TPTE: variants seen among roughly 807,000 people sequenced by gnomAD.
TPTE encodes the protein putative tyrosine-protein phosphatase TPTE.
Under a neutral mutation model 84.1 loss-of-function variants are expected in TPTE, and 59 were observed. That is an observed-to-expected ratio of 0.70 (90% CI 0.57 to 0.87). The LOEUF is 0.87. Among genes scored for constraint, TPTE ranks in the 40% least tolerant of loss-of-function variants. TPTE has a pLI of 0.00. For missense variants in TPTE, 382 were observed against 659.6 expected, an observed-to-expected ratio of 0.58 and a Z score of 4.61; for synonymous variants, 130 against 223.5, an observed-to-expected ratio of 0.58 and a Z score of 3.73.
At chr21:10,546,954 A>G (rs2074478590) in intron 7 of TPTE, among the ~76,000 whole-genome samples, 2 of 152,308 alleles carry the variant, frequency 1.3e-5, no homozygotes, top group Admixed American at 6.5e-5. Flanking sequence ...AATGTGGCCA[A>G]ACTAAACAAC....
At chr21:10,542,547 C>CCATCCATCCATCCATT (rs1378134172) in intron 6 of TPTE, 99 bp downstream of exon 6, 2 of 1,374,720 alleles carry the variant, frequency 1.5e-6, no homozygotes, top group East Asian at 4.8e-5. Flanking sequence ...ATCCATCCAT[C>CCATCCATCCATCCATT]CATCCATCCA....
At chr21:10,574,698 A>G (rs2075116245) in intron 14 of TPTE, among the ~76,000 whole-genome samples, 1 of 152,304 alleles carries the variant, frequency 6.6e-6, no homozygotes, top group African/African-American at 2.4e-5. Flanking sequence ...ATGGAGCCAA[A>G]GGAACCCCCA....
chr21:10,582,523 T>C (rs2075288873), intron 17 of TPTE, among the ~76,000 whole-genome samples: 1 of 152,312 alleles, frequency 6.6e-6, no homozygotes, highest in Non-Finnish European at 1.5e-5. Flanking sequence ...ATTGAATTTA[T>C]AGATTAACTT....
intron 7 of TPTE, among the ~76,000 whole-genome samples, chr21:10,551,659 C>G (rs1244868766): frequency 6.6e-6 from 1 of 152,288 alleles, no homozygotes; most frequent in African/African-American, 2.4e-5. Context: ...TATCAACAAA[C>G]CATTAGCTAG....
intron 14 of TPTE, among the ~76,000 whole-genome samples, chr21:10,572,277 G>T (rs210517): frequency 6.6e-6 from 1 of 151,706 alleles, no homozygotes; most frequent in Non-Finnish European, 1.5e-5. Flanking sequence ...TGAAGAAACC[G>T]CATTTCTACT....
chr21:10,532,191 T>C (rs1219212300), intron 3 of TPTE, among the ~76,000 whole-genome samples: 2 of 152,306 alleles, frequency 1.3e-5, no homozygotes, highest in East Asian at 3.8e-4. Context: ...GTTGATTTCT[T>C]TGTTACTTGA....
intron 7 of TPTE, among the ~76,000 whole-genome samples, chr21:10,545,389 C>T (rs1039370213): frequency 1.3e-5 from 2 of 152,310 alleles, no homozygotes; most frequent in African/African-American, 4.8e-5. Context: ...CATTGACATA[C>T]ACATTTTGAG....
At chr21:10,598,998 A>G (rs867056268) in intron 21 of TPTE, among the ~76,000 whole-genome samples, 12 of 152,378 alleles carry the variant, frequency 7.9e-5, no homozygotes, top group Middle Eastern at 3.4e-3. Context: ...TTATTTGTTC[A>G]TTTACTCATA....
intron 10 of TPTE, among the ~76,000 whole-genome samples, chr21:10,562,286 A>G (rs1172630296): frequency 6.6e-6 from 1 of 151,778 alleles, no homozygotes; most frequent in Non-Finnish European, 1.5e-5. Flanking sequence ...AAGCCCTGAC[A>G]GTGAAAACTA....
At chr21:10,564,541 A>C (rs1421637259) in intron 10 of TPTE, among the ~76,000 whole-genome samples, 13 of 152,200 alleles carry the variant, frequency 8.5e-5, no homozygotes, top group Non-Finnish European at 1.8e-4. Context: ...AAACCCAAAA[A>C]CCAAAACCAA....
chr21:10,603,623 A>G lies in TPTE; in HGVS notation c.1511A>G (p.Glu504Gly), dbSNP rs1288697280. Residue 504 changes from glutamate (E) to glycine (G), a missense_variant, in exon 23 of 24, where the codon GAA becomes GGA. By Grantham distance (98) the Glu-to-Gly change is moderately conservative (BLOSUM62 -2). This residue lies in a region of TPTE where 120 missense variants were observed against 79.1 expected (regional missense o/e 1.52). Coordinates refer to ENST00000618007, the MANE Select transcript of TPTE (RefSeq NM_199261.4). Reference protein sequence around the residue: ...FYFWLHTSFIENNRLYLPKNE... With the variant: ...FYFWLHTSFIGNNRLYLPKNE... ...TTCTGGTTGCACACATCTTTTATTG[A>G]AAATAACAGGTATGAATATAATAGA... 2 of 1,612,014 alleles carry G rather than the reference A, an allele frequency of 1.2e-6. No individual in the cohort carries two copies. The highest frequency in any genetic ancestry group is 2.7e-5 in the African/African-American group (2 of 74,910).
In TPTE at chr21:10,556,034, CCTG is replaced by C. The variant is rs1197106709; in HGVS notation, c.233+3321_233+3323del. On this transcript the variant is annotated intron_variant, in intron 8 of 23. Coordinates refer to ENST00000618007, the MANE Select transcript of TPTE (RefSeq NM_199261.4). ...TTAGAATCATTTATTTACATTTTCA[CCTG>C]CTACTTTTTTTTATTATTATTATAC... is the stretch of plus-strand genomic sequence containing the variant. Among the ~76,000 whole-genome samples, 6 of 152,384 alleles carry C rather than the reference CCTG, an allele frequency of 3.9e-5. No individual in the cohort carries two copies. In the South Asian group the frequency reaches 6.2e-4, roughly 16 times the overall value.
intron 10 of TPTE, among the ~76,000 whole-genome samples, chr21:10,565,999 T>C (rs532161493): frequency 3.3e-5 from 5 of 152,418 alleles, no homozygotes; most frequent in African/African-American, 4.8e-5. Flanking sequence ...AAAGCAAAAA[T>C]GGGCAAATGG....
intron 14 of TPTE, among the ~76,000 whole-genome samples, chr21:10,570,971 C>T (rs113221307): frequency 1.1e-4 from 17 of 152,392 alleles, no homozygotes; most frequent in African/African-American, 3.4e-4. Context: ...GCCCAAGGCC[C>T]ATCCCATCTG....
At chr21:10,523,581 G>C (rs2074026006) in intron 1 of TPTE, among the ~76,000 whole-genome samples, 1 of 152,302 alleles carries the variant, frequency 6.6e-6, no homozygotes, top group Middle Eastern at 3.2e-3. Context: ...ATAGTTTACT[G>C]AGAATGATTT....
In TPTE at chr21:10,542,993, C is replaced by T. The variant is rs188438407; in HGVS notation, c.120-336C>T. Among the ~76,000 whole-genome samples, 19 of 150,264 alleles carry T rather than the reference C, an allele frequency of 1.3e-4. No homozygotes were observed. The East Asian group carries it at 2.1e-3, about 17-fold the overall frequency. ...TTCCAAAAAAGTAAATTTAGAATCGCGTCTCCTATCTGACTGTATTCTTTT... is the reference window on the plus strand; with the variant it reads ...TTCCAAAAAAGTAAATTTAGAATCGTGTCTCCTATCTGACTGTATTCTTTT... On this transcript the variant is annotated intron_variant, in intron 6 of 23. Coordinates refer to ENST00000618007, the MANE Select transcript of TPTE (RefSeq NM_199261.4).
At chr21:10,558,321 T>C (rs938344763) in intron 8 of TPTE, among the ~76,000 whole-genome samples, 6 of 152,306 alleles carry the variant, frequency 3.9e-5, no homozygotes, top group African/African-American at 7.2e-5. Context: ...CTTCAAGGTA[T>C]TGCCATAGTA....
At chr21:10,541,304 TCTA>T (rs1247793682) in intron 5 of TPTE, 139 bp downstream of exon 5, 1 of 1,232,794 alleles carries the variant, frequency 8.1e-7, no homozygotes, top group Non-Finnish European at 1.1e-6. Flanking sequence ...AAACCCTGTC[TCTA>T]CTAAAACTAC....
chr21:10,528,301 G>C (rs1174831269), intron 3 of TPTE, among the ~76,000 whole-genome samples: 8 of 152,422 alleles, frequency 5.2e-5, no homozygotes, highest in African/African-American at 1.7e-4. Context: ...CTGTGCTGGA[G>C]TCAACAATGA....
Sources: gnomAD v4.1 joint callset for allele counts (sites outside exome capture counted in the v4.1 genomes callset) on GRCh38, gnomAD v4.1.1 for gene constraint, gnomAD v4.1.1 regional missense constraint, MANE v1.5 for transcripts, NCBI Gene and HGNC (gene_info 2026-07-23, HGNC 2026-07-21) for gene names.